The following DNHD1 variants were observed in gnomAD, a reference collection of about 807,000 sequenced individuals.
DNHD1 encodes dynein heavy chain domain 1.
In DNHD1, 383 loss-of-function variants were observed where a neutral mutation model predicts 458.1. That is an observed-to-expected ratio of 0.84 (90% confidence interval 0.77 to 0.91). The LOEUF (loss-of-function observed/expected upper bound fraction) is 0.91. DNHD1 is among the 40% of genes least tolerant of loss of function. DNHD1 has a pLI of 0.00. For missense variants in DNHD1, 5,336 were observed against 5,866.1 expected, an observed-to-expected ratio of 0.91 and a Z score of 2.95; for synonymous variants, 2,203 against 2,376.9, an observed-to-expected ratio of 0.93 and a Z score of 2.13.
In DNHD1 at chr11:6,568,777, C is replaced by G. The variant is rs370634504; in HGVS notation, c.12774C>G (p.Pro4258=). 48 of 1,613,552 alleles carry G rather than the reference C, an allele frequency of 3.0e-5. No individual in the cohort carries two copies. Among genetic ancestry groups the G allele is most frequent in the Admixed American group, 1.0e-4 (6 of 59,986 alleles). Residue 4258 remains proline, a synonymous_variant, in exon 39 of 43, where the codon CCC becomes CCG. Coordinates refer to ENST00000254579, the MANE Select transcript of DNHD1 (RefSeq NM_144666.3). Reference sequence around the variant, plus strand: ...AGCAAGTACTCTACATGCAACCCCCCACCCAGGCACTACCTCTGCTCCTCC... The same window carrying G: ...AGCAAGTACTCTACATGCAACCCCCGACCCAGGCACTACCTCTGCTCCTCC... The part of the protein sequence containing the change: ...LAQQVLYMQP[P]TQALPLLLLH...
chr11:6,558,335 C>T (rs528207376), intron 25 of DNHD1, 38 bp downstream of exon 25: 5 of 1,539,122 alleles, frequency 3.2e-6, no homozygotes, highest in African/African-American at 2.7e-5. Context: ...CTGCTCTGCT[C>T]TTACGCTGTC....
At chr11:6,562,090 G>A (rs1476520750) in intron 28 of DNHD1, among the ~76,000 whole-genome samples, 1 of 152,154 alleles carries the variant, frequency 6.6e-6, no homozygotes, top group Non-Finnish European at 1.5e-5. Flanking sequence ...GGTCGGGAGT[G>A]AGAGGGCCTG....
At chr11:6,501,768 A>G (rs1330244728) in intron 3 of DNHD1, among the ~76,000 whole-genome samples, 4 of 152,196 alleles carry the variant, frequency 2.6e-5, no homozygotes, top group Non-Finnish European at 5.9e-5. Flanking sequence ...AGAGGAGCAA[A>G]TGTCCTTGGT....
chr11:6,547,835 C>T lies in DNHD1; in HGVS notation c.6728-28C>T, dbSNP rs181519140. 6.6e-4 allele frequency: 1,018 copies of T among 1,550,344 alleles called. 4 individuals carry two copies. In the African/African-American group the frequency reaches 0.011, roughly 16 times the overall value. ...CCTTCCACCTTTTTCTACTGGGGCT[C>T]CTCTCGTGGCCATGGCAACTTTCAC... On this transcript the variant is annotated intron_variant, in intron 21 of 42. Coordinates refer to ENST00000254579, the MANE Select transcript of DNHD1 (RefSeq NM_144666.3).
Position 6,563,685 on chromosome 11 carries a change from C to T in DNHD1, c.9853-8C>T. 1 of 1,543,958 alleles carries T rather than the reference C, an allele frequency of 6.5e-7. No homozygotes were observed. Among genetic ancestry groups the T allele is most frequent in the Non-Finnish European group, 8.7e-7 (1 of 1,143,674 alleles). ...GCTTCCCCATCCCGTTAACATACATCCTTCCAGGAGCTGGTGTTCTTCCCC... is the reference window on the plus strand; with the variant it reads ...GCTTCCCCATCCCGTTAACATACATTCTTCCAGGAGCTGGTGTTCTTCCCC... On this transcript the variant is annotated splice_region_variant and splice_polypyrimidine_tract_variant and intron_variant, in intron 30 of 42. Coordinates refer to ENST00000254579, the MANE Select transcript of DNHD1 (RefSeq NM_144666.3).
Position 6,544,791 on chromosome 11 carries a change from G to A in DNHD1, c.3853-1G>A. The A allele has an allele frequency of 6.5e-7, 1 of 1,550,182 alleles. No individual in the cohort carries two copies. Among genetic ancestry groups the A allele is most frequent in the Non-Finnish European group, 8.7e-7 (1 of 1,145,706 alleles). ...CACTTTTATCCTCTCCCTCACCACA[G>A]AACTCTCGTTTCAAGGTCATGGATG... is the stretch of plus-strand genomic sequence containing the variant. On this transcript the variant is annotated splice_acceptor_variant, in intron 20 of 42. Coordinates refer to ENST00000254579, the MANE Select transcript of DNHD1 (RefSeq NM_144666.3). LOFTEE classifies it high-confidence loss of function.
At position 6,545,111 on chromosome 11, in the gene DNHD1, T is replaced by A. The variant is rs1467895654; in HGVS notation, c.4172T>A (p.Val1391Glu). The change falls in exon 21 of 43, where the codon GTG becomes GAG. Residue 1391 changes from valine (V) to glutamate (E), a missense_variant. By Grantham distance (121) the Val-to-Glu change is moderately radical. Transcript: ENST00000254579. The surrounding 1 kb of genome is among the most constrained non-coding windows in gnomAD (Gnocchi z 4.9). ...TGGGTACGACGCTGCTTTCCTCATG[T>A]GCATGCTGTGAGCTTCAGGTCTTGC... is the stretch of plus-strand genomic sequence containing the variant. ...QLWVRRCFPH[V>E]HAVSFRSCPT... 6.4e-7 allele frequency: 1 copy of A among 1,552,122 alleles called. No individual in the cohort carries two copies. Among genetic ancestry groups the A allele is most frequent in the Non-Finnish European group, 8.7e-7 (1 of 1,147,080 alleles).
chr11:6,530,796 T>G (rs568219378), intron 12 of DNHD1, among the ~76,000 whole-genome samples: 1 of 151,844 alleles, frequency 6.6e-6, no homozygotes, highest in Admixed American at 6.6e-5. Context: ...GATTGTTTTG[T>G]CTTCTCTCTG....
chr11:6,560,736 C>T (rs573958046), intron 28 of DNHD1, among the ~76,000 whole-genome samples: 55 of 152,208 alleles, frequency 3.6e-4, no homozygotes, highest in African/African-American at 1.3e-3. Context: ...TCCAGTGTTC[C>T]CCACCCCAAG....
intron 28 of DNHD1, 130 bp from the exon 29 acceptor site, chr11:6,562,852 C>T (rs1179633087): frequency 2.4e-5 from 25 of 1,049,822 alleles, no homozygotes; most frequent in Non-Finnish European, 2.9e-5. Flanking sequence ...CTCTCTGTGG[C>T]CTACTTGGAG....
chr11:6,528,519 T>C lies in DNHD1; in HGVS notation c.1838-3T>C. On this transcript the variant is annotated splice_polypyrimidine_tract_variant and splice_region_variant and intron_variant, in intron 10 of 42. Transcript: ENST00000254579. ...CGGACAATTATGGCCTGTGCTCCAC[T>C]AGAAGAAGATGAAGAGGAGGACTCA... 2 of 1,548,512 alleles carry C rather than the reference T, an allele frequency of 1.3e-6. No homozygotes were observed. Among genetic ancestry groups the C allele is most frequent in the Admixed American group, 2.0e-5 (1 of 50,940 alleles).
At position 6,546,105 on chromosome 11, in the gene DNHD1, G is replaced by A. The variant is rs1163381685; in HGVS notation, c.5166G>A (p.Leu1722=). Residue 1722 remains leucine, a synonymous_variant, in exon 21 of 43, where the codon CTG becomes CTA. Coordinates refer to ENST00000254579, the MANE Select transcript of DNHD1 (RefSeq NM_144666.3). ...CACCTCAGATAGAGGCTCAATGCCTGAGCAACTATCTGAATGGTGCCCTGC... is the reference window on the plus strand; with the variant it reads ...CACCTCAGATAGAGGCTCAATGCCTAAGCAACTATCTGAATGGTGCCCTGC... The part of the protein sequence containing the change: ...PCSPQIEAQC[L]SNYLNGALQG... 1 of 1,551,602 alleles carries A rather than the reference G, an allele frequency of 6.4e-7. No individual in the cohort carries two copies. The highest frequency in any genetic ancestry group is 2.4e-5 in the East Asian group (1 of 40,902).
rs920991093 is a variant in DNHD1 at position 6,546,379 on chromosome 11, G to A, written c.5440G>A (p.Val1814Met). The A allele has an allele frequency of 6.4e-7, 1 of 1,552,144 alleles. No homozygotes were observed. The highest frequency in any genetic ancestry group is 1.2e-5 in the South Asian group (1 of 84,054). ...GGTACTGCGTGCCCTGAGCTCTGCT[G>A]TGCCTGCCAACCTGCACCTGCTGCT... ...LLVLRALSSAVPANLHLLLRP... is the reference protein window; with the variant it reads ...LLVLRALSSAMPANLHLLLRP... The change falls in exon 21 of 43, where the codon GTG (valine) becomes ATG (methionine). Residue 1814 changes from valine (V) to methionine (M), a missense_variant. Val to Met is a conservative substitution (Grantham distance 21). This residue lies in a region of DNHD1 where 3,932 missense variants were observed against 4,365.6 expected (regional missense o/e 0.90). Transcript: ENST00000254579.
At chr11:6,525,699 AAGTT>A (rs1565002464) in intron 10 of DNHD1, among the ~76,000 whole-genome samples, 1 of 152,120 alleles carries the variant, frequency 6.6e-6, no homozygotes, top group Non-Finnish European at 1.5e-5. Flanking sequence ...TACCTTTTGA[AAGTT>A]AGTGTTGCTG....
rs761950191 is a variant in DNHD1, at chr11:6,528,880, C to T, written c.2106C>T (p.Gly702=). The change falls in exon 12 of 43, where the codon GGC becomes GGT. Residue 702 remains glycine (G), a splice_region_variant and synonymous_variant. Transcript: ENST00000254579. ...CTAAACACCTTGTCTGCCCTTAGGG[C>T]GTGCTGTGCAAGGTGCAGGAATTCT... ...ALNIQQVLLE[G]VLCKVQEFCR... is the part of the protein sequence containing the mutation. The T allele has an allele frequency of 3.0e-5, 46 of 1,551,534 alleles. No individual in the cohort carries two copies. The highest frequency in any genetic ancestry group is 4.1e-5 in the African/African-American group (3 of 73,064).
intron 26 of DNHD1, 26 bp from the exon 27 acceptor site, chr11:6,558,872 AGAGT>A: frequency 6.5e-7 from 1 of 1,550,098 alleles, no homozygotes; most frequent in Non-Finnish European, 8.7e-7. Context: ...ACAAGCTCAC[AGAGT>A]GAGGCTAAAG....
intron 4 of DNHD1, among the ~76,000 whole-genome samples, chr11:6,504,440 C>T (rs551964850): frequency 1.4e-4 from 22 of 152,306 alleles, no homozygotes; most frequent in African/African-American, 4.8e-4. Context: ...TTCACCCTGG[C>T]AGCAGCACTT....
intron 7 of DNHD1, among the ~76,000 whole-genome samples, chr11:6,516,972 C>T (rs1318661199): frequency 6.6e-6 from 1 of 151,998 alleles, no homozygotes; most frequent in Non-Finnish European, 1.5e-5. Context: ...CCACTCAGGC[C>T]TCTATAACAA....
chr11:6,512,233 T>C (rs1852352434), intron 7 of DNHD1, among the ~76,000 whole-genome samples: 1 of 95,434 alleles, frequency 1.0e-5, no homozygotes, highest in Non-Finnish European at 2.3e-5. Context: ...TTTTTTTTTT[T>C]TTTTTGAGAC....
Sources: gnomAD v4.1 joint callset for allele counts (sites outside exome capture counted in the v4.1 genomes callset) on GRCh38, gnomAD v4.1.1 for gene constraint, gnomAD v4.1.1 regional missense constraint, Gnocchi (gnomAD v3.1) non-coding constraint, MANE v1.5 for transcripts, NCBI Gene and HGNC (gene_info 2026-07-23, HGNC 2026-07-21) for gene names.